The following PDSS2 variants were observed in gnomAD, a reference collection of about 807,000 sequenced individuals.
PDSS2 encodes decaprenyl diphosphate synthase subunit 2.
PDSS2 carries 31 observed loss-of-function variants against 44.5 expected under a neutral mutation model. The observed-to-expected ratio is 0.70, with a 90% CI of 0.52 to 0.94. The LOEUF (loss-of-function observed/expected upper bound fraction) is 0.94, where lower values mean the gene tolerates loss of function less well. PDSS2 is among the 40% of genes least tolerant of loss of function. PDSS2 has a pLI of 0.00. For missense variants in PDSS2, 452 were observed against 482.2 expected (o/e 0.94, Z 0.59); for synonymous variants, 157 against 180.3 (o/e 0.87, Z 1.03).
chr6:107,259,407 A>G (rs1373892907), intron 3 of PDSS2, among the ~76,000 whole-genome samples: 1 of 152,206 alleles, frequency 6.6e-6, no homozygotes, highest in Admixed American at 6.5e-5. Flanking sequence ...TCACATCAGA[A>G]ATCCCAGCAT....
intron 1 of PDSS2, among the ~76,000 whole-genome samples, chr6:107,442,979 C>T (rs963690884): frequency 2.6e-5 from 4 of 152,174 alleles, no homozygotes; most frequent in African/African-American, 7.2e-5. Context: ...CACTTTTATC[C>T]TAACATATGT....
chr6:107,198,076 A>C (rs1488326995), intron 6 of PDSS2, among the ~76,000 whole-genome samples: 2 of 152,180 alleles, frequency 1.3e-5, no homozygotes, highest in African/African-American at 4.8e-5. Flanking sequence ...AAATTCCTGT[A>C]AAACCATTTT....
chr6:107,240,930 C>G (rs944453780), intron 4 of PDSS2, among the ~76,000 whole-genome samples: 1 of 151,942 alleles, frequency 6.6e-6, no homozygotes, highest in African/African-American at 2.4e-5. Flanking sequence ...GATGAATTTC[C>G]TAAGCTATTT....
intron 7 of PDSS2, among the ~76,000 whole-genome samples, chr6:107,192,027 T>C (rs1196291852): frequency 6.6e-6 from 1 of 152,178 alleles, no homozygotes. Context: ...TCACTTTTGC[T>C]GTCAACCTAA....
At chr6:107,305,742 G>A (rs961220595) in intron 2 of PDSS2, among the ~76,000 whole-genome samples, 1 of 152,054 alleles carries the variant, frequency 6.6e-6, no homozygotes, top group African/African-American at 2.4e-5. Context: ...CTGGACAAGT[G>A]GGCCTAATTC....
At chr6:107,156,304 C>G (rs558606018) in intron 7 of PDSS2, among the ~76,000 whole-genome samples, 8 of 151,222 alleles carry the variant, frequency 5.3e-5, no homozygotes, top group Middle Eastern at 3.5e-3. Context: ...ACACCATTCT[C>G]CTGCCTCAGC....
chr6:107,361,818 A>G (rs1778783148), intron 1 of PDSS2, among the ~76,000 whole-genome samples: 1 of 152,222 alleles, frequency 6.6e-6, no homozygotes, highest in Admixed American at 6.5e-5. Context: ...CTTCATTAGA[A>G]CTGCTGAACT....
At chr6:107,237,793 A>T (rs2114765612) in intron 4 of PDSS2, among the ~76,000 whole-genome samples, 1 of 151,170 alleles carries the variant, frequency 6.6e-6, no homozygotes, top group African/African-American at 2.4e-5. Context: ...CTACTTGGGA[A>T]GCTGCGGCAG....
chr6:107,331,063 A>T (rs1777695645), intron 2 of PDSS2, among the ~76,000 whole-genome samples: 1 of 152,184 alleles, frequency 6.6e-6, no homozygotes, highest in Non-Finnish European at 1.5e-5. Flanking sequence ...AAATACCAAC[A>T]AGGTAAATCC....
At chr6:107,225,137 T>TATATATATATA (rs1446558243) in intron 4 of PDSS2, among the ~76,000 whole-genome samples, 1 of 62,384 alleles carries the variant, frequency 1.6e-5, no homozygotes, top group Non-Finnish European at 2.6e-5. Context: ...ATATATATTT[T>TATATATATATA]TATATATATA....
intron 2 of PDSS2, among the ~76,000 whole-genome samples, chr6:107,299,787 T>C (rs1353054357): frequency 1.3e-5 from 2 of 152,234 alleles, no homozygotes; most frequent in Non-Finnish European, 2.9e-5. Flanking sequence ...ATACTCATTA[T>C]TGGACAGGGA....
At chr6:107,230,542 T>G (rs1774008623) in intron 4 of PDSS2, among the ~76,000 whole-genome samples, 1 of 152,168 alleles carries the variant, frequency 6.6e-6, no homozygotes, top group African/African-American at 2.4e-5. Context: ...TATCACTCAC[T>G]GTCTTTGGAT....
chr6:107,158,342 A>C (rs1354713124), intron 7 of PDSS2, among the ~76,000 whole-genome samples: 2 of 151,280 alleles, frequency 1.3e-5, no homozygotes, highest in African/African-American at 2.4e-5. Context: ...CTACCACTAC[A>C]CCTGGCTAAT....
intron 1 of PDSS2, among the ~76,000 whole-genome samples, chr6:107,370,806 C>T (rs1347902012): frequency 6.6e-6 from 1 of 152,178 alleles, no homozygotes; most frequent in East Asian, 1.9e-4. Flanking sequence ...TATCTGGTTA[C>T]CTCTGAGCAT....
intron 7 of PDSS2, among the ~76,000 whole-genome samples, chr6:107,186,037 C>T (rs922555924): frequency 7.2e-5 from 11 of 152,168 alleles, no homozygotes; most frequent in Admixed American, 3.9e-4. Flanking sequence ...ATCTTAAAAG[C>T]GACTAAGGTA....
At chr6:107,350,860 T>C (rs1778411231) in intron 1 of PDSS2, among the ~76,000 whole-genome samples, 1 of 152,014 alleles carries the variant, frequency 6.6e-6, no homozygotes, top group Non-Finnish European at 1.5e-5. Flanking sequence ...CAGACAGTCA[T>C]TATCTTTTCC....
At chr6:107,329,472 G>A (rs538465525) in intron 2 of PDSS2, among the ~76,000 whole-genome samples, 26 of 152,238 alleles carry the variant, frequency 1.7e-4, no homozygotes, top group African/African-American at 4.3e-4. Context: ...AGGCTGGCCT[G>A]TAGATGGCTG....
chr6:107,253,243 T>C (rs1462725112), intron 3 of PDSS2, among the ~76,000 whole-genome samples: 1 of 152,044 alleles, frequency 6.6e-6, no homozygotes, highest in Non-Finnish European at 1.5e-5. Flanking sequence ...TTCACCACAC[T>C]GGCCAGGCTG....
intron 2 of PDSS2, among the ~76,000 whole-genome samples, chr6:107,279,202 G>C (rs1336229923): frequency 6.6e-6 from 1 of 152,154 alleles, no homozygotes; most frequent in Non-Finnish European, 1.5e-5. Flanking sequence ...CTGGGCAACA[G>C]AGTGAAACTC....
Sources: allele counts gnomAD v4.1 joint callset (sites outside exome capture counted in the v4.1 genomes callset), GRCh38; gene constraint gnomAD v4.1.1; transcripts MANE v1.5; gene names NCBI Gene and HGNC (gene_info 2026-07-23, HGNC 2026-07-21).